LCT: variants seen among roughly 807,000 people sequenced by gnomAD.
LCT encodes the protein lactase, also known as lactase/phlorizin hydrolase.
A neutral mutation model predicts 173.0 loss-of-function variants in LCT; 90 were observed. The observed-to-expected ratio is 0.52, with a 90% CI of 0.44 to 0.62. The LOEUF (loss-of-function observed/expected upper bound fraction) is 0.62, where lower values mean the gene tolerates loss of function less well. Ranked by LOEUF, LCT falls within the 20% of genes least tolerant of loss-of-function variation. The pLI is 0.00. For synonymous variants in LCT, 853 were observed against 957.6 expected (o/e 0.89, Z 2.02); for missense variants, 1,864 against 2,431.4 (o/e 0.77, Z 4.91).
chr2:135,800,724 G>A lies in LCT; in HGVS notation c.4749C>T (p.Asn1583=), dbSNP rs374549487. ...CACCTTGACTGGCGCGGTACACATCGTTGTACAGATGCCAGGCCTCAGCAT... is the reference window on the plus strand; with the variant it reads ...CACCTTGACTGGCGCGGTACACATCATTGTACAGATGCCAGGCCTCAGCAT... ...KAHAEAWHLY[N]DVYRASQGGV... Residue 1583 remains asparagine, a synonymous_variant, in exon 12 of 17, where the codon AAC becomes AAT. Coordinates refer to ENST00000264162, the MANE Select transcript of LCT (RefSeq NM_002299.4). 86 of 1,614,110 alleles carry A rather than the reference G, an allele frequency of 5.3e-5. No individual in the cohort carries two copies. The highest frequency in any genetic ancestry group is 1.9e-4 in the South Asian group (17 of 91,080).
Sources: allele counts gnomAD v4.1 joint callset, GRCh38; gene constraint gnomAD v4.1.1; transcripts MANE v1.5; gene names NCBI Gene and HGNC (gene_info 2026-07-23, HGNC 2026-07-21).